The following RORA variants were observed in gnomAD, a reference collection of about 807,000 sequenced individuals.
RORA encodes the protein RAR related orphan receptor A.
In RORA, 7 loss-of-function variants were observed where a neutral mutation model predicts 69.5. The ratio of observed to expected loss-of-function variants is 0.10; its 90% CI spans 0.06 to 0.19. RORA has a LOEUF of 0.19. Ranked by LOEUF, RORA falls within the 10% of genes least tolerant of loss-of-function variation. The probability of loss-of-function intolerance (pLI) is 1.00; values close to 1 mark genes in which losing one functional copy is unlikely to be tolerated. For synonymous variants in RORA, 261 were observed against 240.8 expected (o/e 1.08, Z -0.78); for missense variants, 457 against 663.0 (o/e 0.69, Z 3.41).
chr15:61,026,108 GC>G (rs1453506321), intron 1 of RORA, among the ~76,000 whole-genome samples: 1 of 152,174 alleles, frequency 6.6e-6, no homozygotes, highest in African/African-American at 2.4e-5. Flanking sequence ...GCAAAATGGA[GC>G]TTTTGTAAAT....
chr15:60,644,508 C>T (rs1481729677), intron 2 of RORA, among the ~76,000 whole-genome samples: 1 of 152,168 alleles, frequency 6.6e-6, no homozygotes, highest in Non-Finnish European at 1.5e-5. Flanking sequence ...CATGGGATTT[C>T]TCTTTTTAAA....
At position 60,665,842 on chromosome 15, in the gene RORA, T is replaced by G. The variant is rs140271662; in HGVS notation, c.196+12815A>C. Among the ~76,000 whole-genome samples the G allele has an allele frequency of 5.7e-3, 863 of 152,196 alleles. 9 individuals are homozygous for G. The highest frequency in any genetic ancestry group is 0.024 in the Middle Eastern group (7 of 294). ...GGCGCCTGTCACCATGCCCGGCTAA[T>G]TTTTGTATTTTTAGTAAAGACGGGG... On this transcript the variant is annotated intron_variant, in intron 2 of 10. Coordinates refer to ENST00000335670, the MANE Select transcript of RORA (RefSeq NM_134261.3).
chr15:60,599,503 A>G (rs2068766882), intron 2 of RORA, among the ~76,000 whole-genome samples: 1 of 152,246 alleles, frequency 6.6e-6, no homozygotes, highest in Non-Finnish European at 1.5e-5. Flanking sequence ...GTGAGCTGAG[A>G]TCGTGTCACT....
intron 1 of RORA, among the ~76,000 whole-genome samples, chr15:61,204,891 G>A (rs2079926641): frequency 6.6e-6 from 1 of 152,224 alleles, no homozygotes; most frequent in South Asian, 2.1e-4. Context: ...TCAGCCCTGA[G>A]GCTTATGGAA....
chr15:60,771,407 C>G (rs1361498361), intron 1 of RORA, among the ~76,000 whole-genome samples: 4 of 152,192 alleles, frequency 2.6e-5, no homozygotes, highest in African/African-American at 9.7e-5. Context: ...GCTATCATTT[C>G]ATCTCTATAC....
chr15:60,600,275 C>T (rs1008436330), intron 2 of RORA, among the ~76,000 whole-genome samples: 4 of 152,146 alleles, frequency 2.6e-5, no homozygotes, highest in South Asian at 2.1e-4. Flanking sequence ...CAGCTAGGAG[C>T]GTTCCAGGAG....
At chr15:60,856,099 C>T (rs2073377311) in intron 1 of RORA, among the ~76,000 whole-genome samples, 1 of 152,190 alleles carries the variant, frequency 6.6e-6, no homozygotes, top group South Asian at 2.1e-4. Flanking sequence ...GGTGGCCCTG[C>T]TGATCCATCC....
At chr15:60,634,883 A>C (rs1280659859) in intron 2 of RORA, among the ~76,000 whole-genome samples, 2 of 152,116 alleles carry the variant, frequency 1.3e-5, no homozygotes, top group African/African-American at 2.4e-5. Flanking sequence ...TTTGGCTTTC[A>C]TTCCAGAATG....
chr15:60,702,580 G>A (rs1450013465), intron 1 of RORA, among the ~76,000 whole-genome samples: 1 of 152,190 alleles, frequency 6.6e-6, no homozygotes, highest in Non-Finnish European at 1.5e-5. Context: ...GACCAGTGTG[G>A]AATGAACTCC....
intron 1 of RORA, among the ~76,000 whole-genome samples, chr15:61,038,053 C>T (rs148166711): frequency 1.2e-3 from 176 of 152,056 alleles, no homozygotes; most frequent in African/African-American, 3.9e-3. Context: ...TCTGTAACAT[C>T]GCATTTAAAA....
intron 1 of RORA, among the ~76,000 whole-genome samples, chr15:61,192,799 A>T (rs2079812606): frequency 6.6e-6 from 1 of 152,198 alleles, no homozygotes; most frequent in East Asian, 1.9e-4. Flanking sequence ...TGGTTGTCAG[A>T]GAGTTCCAGT....
intron 2 of RORA, among the ~76,000 whole-genome samples, chr15:60,566,088 G>C (rs2067705479): frequency 6.6e-6 from 1 of 152,172 alleles, no homozygotes; most frequent in South Asian, 2.1e-4. Context: ...ATGTGATCAA[G>C]ATTAATTGGT....
At position 60,531,740 on chromosome 15, in the gene RORA, A is replaced by G; in HGVS notation, c.282+26T>C. On this transcript the variant is annotated intron_variant, in intron 3 of 10. Transcript: ENST00000335670. The surrounding 1 kb of genome is among the most constrained non-coding windows in gnomAD (Gnocchi z 4.8). The stretch of plus-strand genomic sequence containing the variant: ...GATATATTCTAACAAACATTAATAG[A>G]AACAACAACAATTAAAAAGGCTTAC... The G allele has an allele frequency of 7.8e-7, 1 of 1,282,516 alleles. No homozygotes were observed. Among genetic ancestry groups the G allele is most frequent in the Non-Finnish European group, 1.1e-6 (1 of 902,172 alleles). 79.4% of individuals were successfully genotyped at this position (1,282,516 alleles called of 1,614,324 possible).
chr15:60,986,584 A>G (rs948686219), intron 1 of RORA, among the ~76,000 whole-genome samples: 1 of 152,208 alleles, frequency 6.6e-6, no homozygotes, highest in African/African-American at 2.4e-5. Context: ...ACATGGGCTC[A>G]TCTGAGGACA....
At chr15:60,849,437 C>A (rs748614538) in intron 1 of RORA, among the ~76,000 whole-genome samples, 2 of 152,186 alleles carry the variant, frequency 1.3e-5, no homozygotes, top group Non-Finnish European at 2.9e-5. Context: ...TTGACAGATA[C>A]AGATATTGGA....
chr15:60,759,146 T>C (rs999548036), intron 1 of RORA, among the ~76,000 whole-genome samples: 1 of 152,200 alleles, frequency 6.6e-6, no homozygotes, highest in Admixed American at 6.5e-5. Context: ...GTCAAAATGG[T>C]TGATTCAGTA....
intron 1 of RORA, among the ~76,000 whole-genome samples, chr15:60,877,236 C>T (rs2073627443): frequency 6.6e-6 from 1 of 152,206 alleles, no homozygotes. Context: ...AATCCAGATG[C>T]AGACACAAGG....
At chr15:60,902,958 A>G (rs1272816081) in intron 1 of RORA, among the ~76,000 whole-genome samples, 1 of 152,248 alleles carries the variant, frequency 6.6e-6, no homozygotes, top group Non-Finnish European at 1.5e-5. Context: ...GATATCTGCC[A>G]GACACAATAA....
intron 1 of RORA, among the ~76,000 whole-genome samples, chr15:60,855,970 T>C (rs1264013471): frequency 2.6e-5 from 4 of 152,194 alleles, no homozygotes; most frequent in Non-Finnish European, 4.4e-5. Context: ...TAATATTAAA[T>C]ACAGTGTAGA....
Sources: gnomAD v4.1 joint callset for allele counts (sites outside exome capture counted in the v4.1 genomes callset) on GRCh38, gnomAD v4.1.1 for gene constraint, Gnocchi (gnomAD v3.1) non-coding constraint, MANE v1.5 for transcripts, NCBI Gene and HGNC (gene_info 2026-07-23, HGNC 2026-07-21) for gene names.